The following KSR2 variants were observed in gnomAD, a reference collection of about 807,000 sequenced individuals.
The protein encoded by KSR2 is kinase suppressor of ras 2.
KSR2 carries 25 observed loss-of-function variants against 107.8 expected under a neutral mutation model. That is an observed-to-expected ratio of 0.23 (90% CI 0.17 to 0.32). The LOEUF is 0.32. KSR2 is among the 10% of genes least tolerant of loss of function. The pLI is 1.00. For missense variants in KSR2, 887 were observed against 1,268.9 expected (o/e 0.70, Z 4.57); for synonymous variants, 480 against 507.0 (o/e 0.95, Z 0.71).
chr12:117,700,441 A>G (rs570795635), intron 4 of KSR2, among the ~76,000 whole-genome samples: 14 of 152,306 alleles, frequency 9.2e-5, no homozygotes, highest in Admixed American at 9.2e-4. Context: ...CTATCCAGCC[A>G]TGATCTGACC....
chr12:117,706,607 T>C (rs1010032129), intron 4 of KSR2, among the ~76,000 whole-genome samples: 2 of 152,042 alleles, frequency 1.3e-5, no homozygotes, highest in Non-Finnish European at 2.9e-5. Context: ...AAGTGGGGAT[T>C]CACTGCAAAC....
chr12:117,691,148 G>A lies in KSR2; in HGVS notation c.987-23490C>T, dbSNP rs367715663. On this transcript the variant is annotated intron_variant, in intron 4 of 19. Transcript: ENST00000339824. ...GGGCTGCATTTTTGAGGGGATAAGA[G>A]GAGAAATGGGAAGCTGTGCAAGTGG... 3.5e-4 allele frequency among the ~76,000 whole-genome samples: 54 copies of A among 152,282 alleles called. No homozygotes were observed. In the East Asian group the frequency reaches 7.1e-3, roughly 20 times the overall value.
chr12:117,516,087 A>G (rs1874359203), intron 14 of KSR2, among the ~76,000 whole-genome samples: 1 of 152,050 alleles, frequency 6.6e-6, no homozygotes. Context: ...TCCCATCTCA[A>G]CCGGGCCACA....
At chr12:117,647,923 G>A (rs549616187) in intron 5 of KSR2, among the ~76,000 whole-genome samples, 9 of 152,170 alleles carry the variant, frequency 5.9e-5, no homozygotes, top group East Asian at 1.9e-4. Flanking sequence ...TGCCCAGGCT[G>A]TTCTCAAATA....
chr12:117,793,663 C>T (rs1890401266), intron 3 of KSR2, among the ~76,000 whole-genome samples: 1 of 148,120 alleles, frequency 6.8e-6, no homozygotes, highest in Admixed American at 6.7e-5. Context: ...AATATGCACA[C>T]ATACAACATG....
intron 3 of KSR2, among the ~76,000 whole-genome samples, chr12:117,837,341 C>T (rs982580132): frequency 6.6e-6 from 1 of 152,222 alleles, no homozygotes; most frequent in Non-Finnish European, 1.5e-5. Flanking sequence ...CCAGTTTCTA[C>T]ATTACTATGC....
chr12:117,806,595 C>A (rs1485738272), intron 3 of KSR2, among the ~76,000 whole-genome samples: 1 of 152,156 alleles, frequency 6.6e-6, no homozygotes, highest in African/African-American at 2.4e-5. Flanking sequence ...GCAACCACCA[C>A]CTCTATCTAC....
At chr12:117,546,036 T>A (rs569200980) in intron 9 of KSR2, among the ~76,000 whole-genome samples, 2 of 152,222 alleles carry the variant, frequency 1.3e-5, no homozygotes, top group African/African-American at 4.8e-5. Flanking sequence ...AGAAGGTATA[T>A]GTACTATTGT....
intron 6 of KSR2, 48 bp downstream of exon 6, chr12:117,582,242 T>G (rs761760075): frequency 6.5e-7 from 1 of 1,548,344 alleles, no homozygotes; most frequent in Admixed American, 1.7e-5. Context: ...CCCCCACCCC[T>G]CACAGAGCTG....
At chr12:117,524,749 T>C in intron 14 of KSR2, 103 bp downstream of exon 14, 1 of 1,319,524 alleles carries the variant, frequency 7.6e-7, no homozygotes. Flanking sequence ...GAACTAGAGA[T>C]GGTCTATTAA....
chr12:117,499,607 AT>A (rs1188864905), intron 14 of KSR2, among the ~76,000 whole-genome samples: 2 of 152,132 alleles, frequency 1.3e-5, no homozygotes, highest in Non-Finnish European at 2.9e-5. Context: ...GAGAGGAAAC[AT>A]TTTTGCTCCT....
At chr12:117,966,464 T>C (rs1373949690) in intron 1 of KSR2, among the ~76,000 whole-genome samples, 1 of 152,058 alleles carries the variant, frequency 6.6e-6, no homozygotes, top group Non-Finnish European at 1.5e-5. Context: ...GGAAAGGCAA[T>C]ACCTGTGCCT....
intron 17 of KSR2, among the ~76,000 whole-genome samples, chr12:117,474,794 G>C (rs1331161213): frequency 6.6e-6 from 1 of 152,100 alleles, no homozygotes; most frequent in Non-Finnish European, 1.5e-5. Context: ...TAGTCGTGTA[G>C]AGGCAGCTGT....
chr12:117,653,570 G>A lies in KSR2; in HGVS notation c.1171+13904C>T, dbSNP rs117524473. The stretch of plus-strand genomic sequence containing the variant: ...TAGCAAACACACGGGACTTATTGGT[G>A]AGGCATTTGCATGCCAGAGGATGGG... On this transcript the variant is annotated intron_variant, in intron 5 of 19. Transcript: ENST00000339824. 3.9e-3 allele frequency among the ~76,000 whole-genome samples: 593 copies of A among 152,306 alleles called. 4 individuals are homozygous for A. The highest frequency in any genetic ancestry group is 3.3e-3 in the Non-Finnish European group (224 of 68,026).
chr12:117,455,249 C>A lies in KSR2; in HGVS notation c.*11950G>T, dbSNP rs1161149565. ...AGGTCTCCACATCTGAGCCAGGGCA[C>A]CCTCTGTTTGGAGATGGAGACTCCA... On this transcript the variant is annotated 3_prime_UTR_variant, in exon 20 of 20. Coordinates refer to ENST00000339824, the MANE Select transcript of KSR2 (RefSeq NM_173598.6). The A allele has an allele frequency of 6.6e-6, 1 of 152,250 alleles. No homozygotes were observed. The highest frequency in any genetic ancestry group is 6.5e-5 in the Admixed American group (1 of 15,274). The allele number at this position is 152,250 out of a possible 1,614,324, so 9.4% of individuals were successfully genotyped here. A position where few individuals can be genotyped will look rare whatever the true frequency, so the allele number is the denominator to read the frequency against.
At chr12:117,846,951 G>A (rs977084029) in intron 3 of KSR2, among the ~76,000 whole-genome samples, 14 of 152,202 alleles carry the variant, frequency 9.2e-5, no homozygotes, top group African/African-American at 3.1e-4. Flanking sequence ...AGTTCCAACC[G>A]TGTTTACAGA....
chr12:117,668,402 TAGGCTG>T, intron 4 of KSR2, among the ~76,000 whole-genome samples: 1 of 152,304 alleles, frequency 6.6e-6, no homozygotes, highest in East Asian at 1.9e-4. Flanking sequence ...CACCAGATCA[TAGGCTG>T]GATCTGATGG....
chr12:117,852,885 T>A (rs1281750421), intron 3 of KSR2, among the ~76,000 whole-genome samples: 1 of 152,114 alleles, frequency 6.6e-6, no homozygotes. Flanking sequence ...CACTGCAACC[T>A]CCACCTCCCA....
chr12:117,513,106 C>T (rs1219426762), intron 14 of KSR2, among the ~76,000 whole-genome samples: 2 of 152,094 alleles, frequency 1.3e-5, no homozygotes, highest in Non-Finnish European at 2.9e-5. Flanking sequence ...TGTCCTCCCT[C>T]CATCTCGTTT....
Sources: gnomAD v4.1 joint callset for allele counts (sites outside exome capture counted in the v4.1 genomes callset) on GRCh38, gnomAD v4.1.1 for gene constraint, MANE v1.5 for transcripts, NCBI Gene and HGNC (gene_info 2026-07-23, HGNC 2026-07-21) for gene names.